CCDC141: variants seen among roughly 807,000 people sequenced by gnomAD.
CCDC141 encodes coiled-coil domain containing 141.
A neutral mutation model predicts 181.0 loss-of-function variants in CCDC141; 168 were observed. That is an observed-to-expected ratio of 0.93 (90% CI 0.82 to 1.05). The LOEUF is 1.05. Among genes scored for constraint, CCDC141 ranks in the 50% least tolerant of loss-of-function variants. The pLI, the probability that CCDC141 is intolerant of heterozygous loss-of-function variation, is 0.00. For synonymous variants in CCDC141, 666 were observed against 642.3 expected (o/e 1.04, Z -0.56); for missense variants, 1,902 against 1,788.5 (o/e 1.06, Z -1.14).
intron 6 of CCDC141, chr2:178,926,786 T>C (rs1217626867): frequency 6.6e-6 from 1 of 152,214 alleles, no homozygotes; most frequent in Non-Finnish European, 1.5e-5. Flanking sequence ...GAAAGGATAT[T>C]GGATGTTCCC....
At chr2:178,988,356 T>C (rs1476689499) in intron 2 of CCDC141, among the ~76,000 whole-genome samples, 8 of 146,966 alleles carry the variant, frequency 5.4e-5, no homozygotes, top group Non-Finnish European at 3.0e-5. Context: ...CATTGGGAGA[T>C]ATACCTAATG....
Position 178,918,616 on chromosome 2 carries a change from G to T in CCDC141, c.1092+97C>A, listed in dbSNP as rs965208441. 8.3e-6 allele frequency: 8 copies of T among 962,748 alleles called. No individual in the cohort carries two copies. The African/African-American group carries it at 9.9e-5, about 12-fold the overall frequency. 59.6% of individuals were successfully genotyped at this position (962,748 alleles called of 1,614,324 possible). A position where few individuals can be genotyped will look rare whatever the true frequency, so the allele number is the denominator to read the frequency against. Reference sequence around the variant, plus strand: ...TATCAGTTTTGAAATTTTACATGGCGTTTTGACTTCTGTGATGTGCTCCAG... The same window carrying T: ...TATCAGTTTTGAAATTTTACATGGCTTTTTGACTTCTGTGATGTGCTCCAG... On this transcript the variant is annotated intron_variant, in intron 7 of 23. Coordinates refer to ENST00000443758, the MANE Select transcript of CCDC141 (RefSeq NM_173648.4).
At chr2:178,904,555 G>T (rs1244328471) in intron 8 of CCDC141, among the ~76,000 whole-genome samples, 1 of 152,148 alleles carries the variant, frequency 6.6e-6, no homozygotes. Context: ...GACATGGAAG[G>T]TGAAAAACTG....
At chr2:179,049,514 A>T (rs992842411) in intron 1 of CCDC141, among the ~76,000 whole-genome samples, 2 of 152,044 alleles carry the variant, frequency 1.3e-5, no homozygotes, top group Non-Finnish European at 2.9e-5. Context: ...ACTTCCAGTT[A>T]CCAATGCCTT....
At chr2:178,878,335 G>A (rs1686444873) in intron 11 of CCDC141, among the ~76,000 whole-genome samples, 192 bp from the exon 12 acceptor site, 1 of 150,586 alleles carries the variant, frequency 6.6e-6, no homozygotes, top group South Asian at 2.1e-4. Flanking sequence ...CCTTTGCTCT[G>A]TCACACAGGC....
chr2:178,844,697 T>C (rs897510659), intron 22 of CCDC141, among the ~76,000 whole-genome samples: 4 of 152,206 alleles, frequency 2.6e-5, no homozygotes, highest in African/African-American at 9.6e-5. Flanking sequence ...GAAAGAACCA[T>C]ACTGACTTCA....
rs539960208 is a variant in CCDC141 at position 178,860,922 on chromosome 2, T to G, written c.2725-4525A>C. The stretch of plus-strand genomic sequence containing the variant: ...TTTCTGAACATGATAACCATAATTT[T>G]AAACTTCAGCTCTGTTTATTGTTCA... On this transcript the variant is annotated intron_variant, in intron 17 of 23. Transcript: ENST00000443758. 6.4e-4 allele frequency among the ~76,000 whole-genome samples: 98 copies of G among 152,374 alleles called. 1 individual carries two copies. Among genetic ancestry groups the G allele is most frequent in the African/African-American group, 2.3e-3 (97 of 41,602 alleles).
intron 8 of CCDC141, among the ~76,000 whole-genome samples, chr2:178,897,836 C>T (rs1687485839): frequency 6.6e-6 from 1 of 152,118 alleles, no homozygotes; most frequent in South Asian, 2.1e-4. Flanking sequence ...TTATAGAAAA[C>T]TTTACCCTCA....
chr2:178,826,114 G>A (rs1684121455), downstream of CCDC141, among the ~76,000 whole-genome samples: 1 of 152,060 alleles, frequency 6.6e-6, no homozygotes. Flanking sequence ...CTAGTTTTCT[G>A]ACAGTTTTTA....
chr2:178,828,138 C>G (rs964681874), downstream of CCDC141, among the ~76,000 whole-genome samples: 2 of 152,012 alleles, frequency 1.3e-5, no homozygotes, highest in Non-Finnish European at 2.9e-5. Context: ...CTACTGAACC[C>G]GGTAGAGTCC....
At chr2:178,928,633 G>A (rs779386309) in intron 6 of CCDC141, among the ~76,000 whole-genome samples, 3 of 152,068 alleles carry the variant, frequency 2.0e-5, no homozygotes, top group Non-Finnish European at 2.9e-5. Flanking sequence ...TAAACTTAAC[G>A]AGCTGGTAAA....
At chr2:178,855,944 GA>G (rs1297147062) in intron 18 of CCDC141, among the ~76,000 whole-genome samples, 1 of 152,174 alleles carries the variant, frequency 6.6e-6, no homozygotes, top group African/African-American at 2.4e-5. Flanking sequence ...ATGGATGCAA[GA>G]AAAGGAGGAG....
intron 4 of CCDC141, among the ~76,000 whole-genome samples, chr2:178,970,407 T>G (rs1690832557): frequency 6.6e-6 from 1 of 152,216 alleles, no homozygotes; most frequent in Non-Finnish European, 1.5e-5. Flanking sequence ...AGCGTGATAC[T>G]GGTACCAAAA....
chr2:179,031,131 A>T (rs149514213), intron 2 of CCDC141, among the ~76,000 whole-genome samples: 1 of 152,020 alleles, frequency 6.6e-6, no homozygotes, highest in Non-Finnish European at 1.5e-5. Context: ...TCAATTTATA[A>T]AGATTAGATG....
intron 2 of CCDC141, among the ~76,000 whole-genome samples, chr2:179,043,580 G>T (rs1368423263): frequency 1.3e-5 from 2 of 152,258 alleles, no homozygotes; most frequent in South Asian, 2.1e-4. Flanking sequence ...AAAACCACAT[G>T]ATTATCTTAA....
chr2:178,845,805 T>A, intron 21 of CCDC141, 63 bp from the exon 22 acceptor site: 1 of 924,080 alleles, frequency 1.1e-6, no homozygotes, highest in Non-Finnish European at 1.8e-6. Context: ...TGCCATACAC[T>A]AACTACTTGG....
chr2:178,823,881 ACT>A, the CCDC141 span, among the ~76,000 whole-genome samples: 1 of 152,002 alleles, frequency 6.6e-6, no homozygotes, highest in Non-Finnish European at 1.5e-5. Flanking sequence ...CATATAAGTA[ACT>A]CTCTGTATGA....
chr2:179,036,288 C>T (rs931469990), intron 2 of CCDC141, among the ~76,000 whole-genome samples: 8 of 152,196 alleles, frequency 5.3e-5, no homozygotes, highest in African/African-American at 1.9e-4. Context: ...ACTCTAAACT[C>T]CTGCTCAACC....
intron 12 of CCDC141, chr2:178,876,959 C>T (rs1686381582): frequency 6.6e-6 from 1 of 152,128 alleles, no homozygotes; most frequent in African/African-American, 2.4e-5. Context: ...CTATCACAAG[C>T]TTAATATGTA....
Sources: allele counts gnomAD v4.1 joint callset (sites outside exome capture counted in the v4.1 genomes callset), GRCh38; gene constraint gnomAD v4.1.1; transcripts MANE v1.5; gene names NCBI Gene and HGNC (gene_info 2026-07-23, HGNC 2026-07-21).